FAM13A: variants seen among roughly 807,000 people sequenced by gnomAD.
FAM13A encodes protein FAM13A.
Under a neutral mutation model 129.6 loss-of-function variants are expected in FAM13A, and 76 were observed. The observed-to-expected ratio is 0.59, with a 90% CI of 0.49 to 0.71. FAM13A has a LOEUF of 0.71. FAM13A is among the 30% of genes least tolerant of loss of function. The pLI, the probability that FAM13A is intolerant of heterozygous loss-of-function variation, is 0.00. For missense variants in FAM13A, 1,108 were observed against 1,249.3 expected (o/e 0.89, Z 1.70); for synonymous variants, 443 against 449.9 (o/e 0.98, Z 0.20).
intron 6 of FAM13A, among the ~76,000 whole-genome samples, chr4:88,882,501 C>T (rs922165969): frequency 9.2e-5 from 14 of 151,516 alleles, no homozygotes; most frequent in African/African-American, 3.4e-4. Context: ...GCCAGCACTA[C>T]AAGAAAGGCT....
chr4:89,045,934 G>A (rs952698718), intron 1 of FAM13A, among the ~76,000 whole-genome samples: 2 of 150,164 alleles, frequency 1.3e-5, no homozygotes, highest in Non-Finnish European at 2.9e-5. Context: ...TGAGGCACAA[G>A]AATCCCTTGA....
intron 3 of FAM13A, among the ~76,000 whole-genome samples, chr4:89,004,978 AT>A: frequency 9.6e-6 from 1 of 104,388 alleles, no homozygotes; most frequent in Non-Finnish European, 2.3e-5. Flanking sequence ...AACTCATGTC[AT>A]GGTTTTTTTT....
chr4:88,739,077 G>T lies in FAM13A; in HGVS notation c.2515C>A (p.Arg839=). The T allele has an allele frequency of 1.2e-6, 2 of 1,613,830 alleles. No homozygotes were observed. Among genetic ancestry groups the T allele is most frequent in the Non-Finnish European group, 1.7e-6 (2 of 1,179,858 alleles). Residue 839 remains arginine, a synonymous_variant, in exon 20 of 24, where the codon CGG becomes AGG. Coordinates refer to ENST00000264344, the MANE Select transcript of FAM13A (RefSeq NM_014883.4). ...QVMKPLYDRY[R]LVKQILSRAN... is the part of the protein sequence containing the mutation. ...CGGGAGAGGATCTGTTTGACCAGCC[G>T]GTACCTGTCGTATAGTGGCTTCATC...
chr4:88,776,077 T>C (rs938470314), intron 11 of FAM13A, among the ~76,000 whole-genome samples: 1 of 152,178 alleles, frequency 6.6e-6, no homozygotes, highest in Non-Finnish European at 1.5e-5. Context: ...AAGAGACCTA[T>C]AGACTTTGTT....
At chr4:88,800,383 C>T (rs551377939) in intron 8 of FAM13A, among the ~76,000 whole-genome samples, 1 of 152,258 alleles carries the variant, frequency 6.6e-6, no homozygotes, top group South Asian at 2.1e-4. Flanking sequence ...TGTGCCCCCT[C>T]CGTTTAGAAA....
chr4:89,031,762 T>G (rs1437817672), intron 1 of FAM13A, among the ~76,000 whole-genome samples: 1 of 152,224 alleles, frequency 6.6e-6, no homozygotes, highest in Non-Finnish European at 1.5e-5. Context: ...AATATTCTGA[T>G]GACCTAATAA....
chr4:88,733,850 C>A (rs954835500), intron 21 of FAM13A, among the ~76,000 whole-genome samples: 1 of 152,222 alleles, frequency 6.6e-6, no homozygotes, highest in East Asian at 1.9e-4. Context: ...AACTTAACGA[C>A]CTTTAATGAA....
chr4:89,054,734 C>T (rs1038668946), intron 1 of FAM13A, among the ~76,000 whole-genome samples: 1 of 152,144 alleles, frequency 6.6e-6, no homozygotes, highest in African/African-American at 2.4e-5. Flanking sequence ...AAAGCTGTCA[C>T]CATATCCACA....
chr4:89,035,060 A>G (rs1228089455), intron 1 of FAM13A, among the ~76,000 whole-genome samples: 5 of 152,222 alleles, frequency 3.3e-5, no homozygotes, highest in Non-Finnish European at 1.5e-5. Flanking sequence ...AAAAAGAATG[A>G]AATCATGTCC....
intron 5 of FAM13A, 160 bp downstream of exon 5, chr4:88,937,928 A>G: frequency 1.7e-6 from 1 of 583,778 alleles, no homozygotes. Flanking sequence ...TTTCAATTTA[A>G]TAAGCATTTG....
chr4:88,888,853 G>A (rs1744881815), intron 6 of FAM13A, among the ~76,000 whole-genome samples: 1 of 150,730 alleles, frequency 6.6e-6, no homozygotes, highest in East Asian at 2.0e-4. Flanking sequence ...GGAGAATGCT[G>A]TGAACCCGGG....
intron 19 of FAM13A, among the ~76,000 whole-genome samples, chr4:88,746,101 C>T (rs1741276493): frequency 6.6e-6 from 1 of 152,116 alleles, no homozygotes; most frequent in African/African-American, 2.4e-5. Context: ...ATCATATAGT[C>T]ATGGCCAAGA....
intron 6 of FAM13A, among the ~76,000 whole-genome samples, chr4:88,870,121 T>TAAAA: frequency 6.8e-6 from 1 of 146,980 alleles, no homozygotes; most frequent in African/African-American, 2.5e-5. Flanking sequence ...ATTTCTGTTG[T>TAAAA]AAAAAAAAAA....
At chr4:88,787,654 G>A in intron 10 of FAM13A, 99 bp downstream of exon 10, 3 of 1,071,484 alleles carry the variant, frequency 2.8e-6, no homozygotes, top group Non-Finnish European at 2.7e-6. Context: ...AAATGGGAGA[G>A]GACCAGGAGG....
intron 4 of FAM13A, among the ~76,000 whole-genome samples, chr4:88,981,559 A>T (rs1250527485): frequency 6.6e-6 from 1 of 152,198 alleles, no homozygotes; most frequent in African/African-American, 2.4e-5. Flanking sequence ...ATCACTAGGT[A>T]CACAGTGCCT....
At chr4:88,862,523 T>C (rs572726176) in intron 6 of FAM13A, among the ~76,000 whole-genome samples, 1 of 152,356 alleles carries the variant, frequency 6.6e-6, no homozygotes, top group Admixed American at 6.5e-5. Flanking sequence ...CAAAGCATTT[T>C]ATAACAGTTA....
chr4:88,758,413 A>G (rs932361262), intron 14 of FAM13A, among the ~76,000 whole-genome samples: 3 of 152,028 alleles, frequency 2.0e-5, no homozygotes, highest in African/African-American at 7.2e-5. Context: ...AAATCCTAAA[A>G]GCACACCGGT....
At chr4:88,912,328 G>A in intron 5 of FAM13A, among the ~76,000 whole-genome samples, 1 of 148,932 alleles carries the variant, frequency 6.7e-6, no homozygotes, top group Non-Finnish European at 1.5e-5. Flanking sequence ...CTCTCCTAGA[G>A]CTGGGGCACC....
chr4:88,730,622 C>A (rs1737504717), intron 23 of FAM13A, among the ~76,000 whole-genome samples: 1 of 152,132 alleles, frequency 6.6e-6, no homozygotes, highest in Non-Finnish European at 1.5e-5. Flanking sequence ...GAACTCCTTA[C>A]CTCATGTAAT....
Sources: allele counts gnomAD v4.1 joint callset (sites outside exome capture counted in the v4.1 genomes callset), GRCh38; gene constraint gnomAD v4.1.1; transcripts MANE v1.5; gene names NCBI Gene and HGNC (gene_info 2026-07-23, HGNC 2026-07-21).